NCAM1: variants seen among roughly 807,000 people sequenced by gnomAD.
The protein encoded by NCAM1 is neural cell adhesion molecule 1.
NCAM1 carries 14 observed loss-of-function variants against 109.8 expected under a neutral mutation model. The observed-to-expected ratio is 0.13, with a 90% confidence interval of 0.08 to 0.20. NCAM1 has a LOEUF of 0.20. NCAM1 is among the 10% of genes least tolerant of loss of function. The probability of loss-of-function intolerance (pLI) is 1.00; values close to 1 mark genes in which losing one functional copy is unlikely to be tolerated. For synonymous variants in NCAM1, 418 were observed against 442.9 expected, an observed-to-expected ratio of 0.94 and a Z score of 0.70; for missense variants, 774 against 1,109.9, an observed-to-expected ratio of 0.70 and a Z score of 4.30.
chr11:113,125,368 T>C (rs1193945422), intron 1 of NCAM1, among the ~76,000 whole-genome samples: 1 of 152,204 alleles, frequency 6.6e-6, no homozygotes, highest in Admixed American at 6.5e-5. Context: ...TCCAGAAAAA[T>C]ACCAGCATAT....
At chr11:113,093,061 T>A (rs191907811) in intron 1 of NCAM1, among the ~76,000 whole-genome samples, 1 of 152,326 alleles carries the variant, frequency 6.6e-6, no homozygotes, top group East Asian at 1.9e-4. Context: ...GCCTGGCTTG[T>A]CAGCGAGTGA....
chr11:113,208,606 C>A (rs1944308272), intron 7 of NCAM1, among the ~76,000 whole-genome samples: 1 of 152,048 alleles, frequency 6.6e-6, no homozygotes. Flanking sequence ...CGGCGCCTTC[C>A]TTCACTGCCC....
chr11:113,182,479 T>C (rs1555108145), intron 1 of NCAM1, among the ~76,000 whole-genome samples: 1 of 152,208 alleles, frequency 6.6e-6, no homozygotes, highest in Non-Finnish European at 1.5e-5. Flanking sequence ...GTATTATGGT[T>C]ATAATTATTC....
At chr11:113,067,330 G>T (rs1938015016) in intron 1 of NCAM1, among the ~76,000 whole-genome samples, 1 of 152,176 alleles carries the variant, frequency 6.6e-6, no homozygotes, top group Non-Finnish European at 1.5e-5. Context: ...AGGTTTCACT[G>T]GGGGAATGTG....
chr11:113,189,463 A>AG (rs1555109441), intron 1 of NCAM1, among the ~76,000 whole-genome samples: 80 of 150,586 alleles, frequency 5.3e-4, no homozygotes, highest in African/African-American at 1.8e-3. Context: ...AAAAAAAAAA[A>AG]AAAAGAAAAG....
chr11:113,263,655 G>A (rs1555123813), intron 17 of NCAM1: 3 of 985,464 alleles, frequency 3.0e-6, no homozygotes, highest in East Asian at 1.1e-4. Flanking sequence ...AGCTTTGAAA[G>A]GTGTTTGTCT....
chr11:113,165,543 T>A (rs1361639134), intron 1 of NCAM1, among the ~76,000 whole-genome samples: 7 of 152,130 alleles, frequency 4.6e-5, no homozygotes, highest in Non-Finnish European at 1.0e-4. Context: ...GTTTAAACCT[T>A]TGAGACATCT....
At chr11:113,220,108 A>C (rs1555114991) in intron 8 of NCAM1, among the ~76,000 whole-genome samples, 1 of 152,236 alleles carries the variant, frequency 6.6e-6, no homozygotes, top group Non-Finnish European at 1.5e-5. Context: ...GGTAATAAAA[A>C]GAACAATGCA....
chr11:113,091,490 G>A (rs933634385), intron 1 of NCAM1, among the ~76,000 whole-genome samples: 16 of 152,186 alleles, frequency 1.1e-4, no homozygotes, highest in African/African-American at 3.1e-4. Context: ...AATTAGACAT[G>A]CATGAGAGGG....
At chr11:113,111,939 A>G (rs1469021665) in intron 1 of NCAM1, among the ~76,000 whole-genome samples, 2 of 152,230 alleles carry the variant, frequency 1.3e-5, no homozygotes, top group African/African-American at 4.8e-5. Context: ...TTCTCATCGC[A>G]GATCTTATTT....
Position 113,030,057 on chromosome 11 carries a change from A to G in NCAM1, c.52+68393A>G, listed in dbSNP as rs558529884. 1.3e-4 allele frequency among the ~76,000 whole-genome samples: 16 copies of G among 118,878 alleles called. No individual in the cohort carries two copies. In the East Asian group the frequency reaches 7.9e-3, roughly 59 times the overall value. The allele number at this position is 118,878 out of a possible 152,430, so 78.0% of individuals were successfully genotyped here. On this transcript the variant is annotated intron_variant, in intron 1 of 19. Transcript: ENST00000316851. ...TACCTTGGGGGTTGGTGTTATCTTTATTTGATAAAAAAAAGGGAGCACCAG... is the reference window on the plus strand; with the variant it reads ...TACCTTGGGGGTTGGTGTTATCTTTGTTTGATAAAAAAAAGGGAGCACCAG...
Position 113,270,259 on chromosome 11 carries a change from C to G in NCAM1, c.2203C>G (p.Leu735Val). 1 of 1,614,052 alleles carries G rather than the reference C, an allele frequency of 6.2e-7. No homozygotes were observed. The highest frequency in any genetic ancestry group is 8.5e-7 in the Non-Finnish European group (1 of 1,179,906). ...CATCCTCATCGTCATCTTCGTCCTG[C>G]TCCTGGTGGTTGTGGACATCACCTG... is the stretch of plus-strand genomic sequence containing the variant. The part of the protein sequence containing the change: ...VGILIVIFVL[L>V]LVVVDITCYF... Residue 735 changes from leucine (L) to valine (V), a missense_variant, in exon 18 of 20, where the codon CTC becomes GTC. Leu to Val is a conservative substitution (Grantham distance 32). This residue lies in a region of NCAM1 where 523 missense variants were observed against 784.2 expected (regional missense o/e 0.67). Transcript: ENST00000316851.
At chr11:113,009,482 T>G (rs1264031515) in intron 1 of NCAM1, among the ~76,000 whole-genome samples, 1 of 151,694 alleles carries the variant, frequency 6.6e-6, no homozygotes, top group African/African-American at 2.4e-5. Context: ...CCACCACGCC[T>G]GGGGAATTTT....
chr11:113,070,068 T>G (rs1333723958), intron 1 of NCAM1, among the ~76,000 whole-genome samples: 1 of 151,434 alleles, frequency 6.6e-6, no homozygotes, highest in East Asian at 1.9e-4. Context: ...GGGGAAGTCA[T>G]GGGGGGAGGG....
intron 1 of NCAM1, among the ~76,000 whole-genome samples, chr11:113,125,665 G>C (rs1555096942): frequency 1.3e-5 from 2 of 152,212 alleles, no homozygotes; most frequent in African/African-American, 2.4e-5. Context: ...TGGGCAGAGT[G>C]CAGGATGCCA....
At chr11:113,200,025 G>C (rs1398219984) in intron 1 of NCAM1, among the ~76,000 whole-genome samples, 1 of 152,116 alleles carries the variant, frequency 6.6e-6, no homozygotes, top group Non-Finnish European at 1.5e-5. Flanking sequence ...TGTTTGAAAA[G>C]AGCTGAACAA....
Position 113,206,118 on chromosome 11 carries a change from G to T in NCAM1, c.566G>T (p.Cys189Phe). ...AAAACAGATGAGGGCACTTATCGCT[G>T]TGAGGGCAGAATCCTGGCACGGGGG... Reference protein sequence around the residue: ...IKKTDEGTYRCEGRILARGEI... With the variant: ...IKKTDEGTYRFEGRILARGEI... Residue 189 changes from cysteine (C) to phenylalanine (F), a missense_variant, in exon 5 of 20, where the codon TGT becomes TTT. This residue lies in a region of NCAM1 where 523 missense variants were observed against 784.2 expected (regional missense o/e 0.67). Transcript: ENST00000316851. 1 of 1,613,932 alleles carries T rather than the reference G, an allele frequency of 6.2e-7. No individual in the cohort carries two copies. Among genetic ancestry groups the T allele is most frequent in the Non-Finnish European group, 8.5e-7 (1 of 1,179,848 alleles).
intron 1 of NCAM1, among the ~76,000 whole-genome samples, chr11:113,074,042 C>A (rs369540993): frequency 6.6e-6 from 1 of 152,140 alleles, no homozygotes; most frequent in Admixed American, 6.5e-5. Flanking sequence ...GAAGGAGAAA[C>A]ACGTCGGTGT....
chr11:113,236,157 G>A, intron 14 of NCAM1: 1 of 829,038 alleles, frequency 1.2e-6, no homozygotes, highest in Non-Finnish European at 1.9e-6. Context: ...TTCTTTCTCT[G>A]GATTTGAAGT....
Sources: gnomAD v4.1 joint callset for allele counts (sites outside exome capture counted in the v4.1 genomes callset) on GRCh38, gnomAD v4.1.1 for gene constraint, gnomAD v4.1.1 regional missense constraint, MANE v1.5 for transcripts, NCBI Gene and HGNC (gene_info 2026-07-23, HGNC 2026-07-21) for gene names.